CNTRL: variants seen among roughly 807,000 people sequenced by gnomAD.
The protein encoded by CNTRL is centriolin.
A neutral mutation model predicts 303.7 loss-of-function variants in CNTRL; 233 were observed. The ratio of observed to expected loss-of-function variants is 0.77; its 90% CI spans 0.69 to 0.86. CNTRL has a LOEUF of 0.86. Among genes scored for constraint, CNTRL ranks in the 40% least tolerant of loss-of-function variants. CNTRL has a pLI of 0.00. For synonymous variants in CNTRL, 900 were observed against 922.2 expected (o/e 0.98, Z 0.44); for missense variants, 2,524 against 2,650.6 (o/e 0.95, Z 1.05).
At chr9:121,163,610 C>T (rs1374119133) in intron 34 of CNTRL, among the ~76,000 whole-genome samples, 1 of 151,950 alleles carries the variant, frequency 6.6e-6, no homozygotes, top group African/African-American at 2.4e-5. Flanking sequence ...ACCCATGTAT[C>T]TGATAAAGGA....
Position 121,166,106 on chromosome 9 carries a change from G to GA in CNTRL, c.5586dup (p.Arg1863ThrfsTer13). On this transcript the variant is annotated frameshift_variant and splice_region_variant. Transcript: ENST00000373855. LOFTEE classifies it high-confidence loss of function. ...ATTTCATGAGAATGTCATTTCTTTA[G>GA]AAAAACGAGAAGCAGTAAACTCACT... 2 of 1,608,510 alleles carry GA rather than the reference G, an allele frequency of 1.2e-6. No individual in the cohort carries two copies. The highest frequency in any genetic ancestry group is 1.1e-5 in the South Asian group (1 of 90,234).
chr9:121,112,226 A>G (rs983187844), intron 8 of CNTRL, among the ~76,000 whole-genome samples: 2 of 152,190 alleles, frequency 1.3e-5, no homozygotes, highest in African/African-American at 4.8e-5. Flanking sequence ...TTATATCGTG[A>G]AGCAGCAGAT....
chr9:121,162,349 A>G, intron 34 of CNTRL, 78 bp downstream of exon 34: 1 of 1,231,940 alleles, frequency 8.1e-7, no homozygotes, highest in Non-Finnish European at 1.2e-6. Flanking sequence ...AAAAATTTGG[A>G]AAATAGAGAA....
At chr9:121,103,369 T>C (rs1457242599) in intron 7 of CNTRL, among the ~76,000 whole-genome samples, 1 of 152,144 alleles carries the variant, frequency 6.6e-6, no homozygotes, top group Non-Finnish European at 1.5e-5. Flanking sequence ...AAACTGGATC[T>C]CTTCCTTACA....
In CNTRL at chr9:121,142,250, C is replaced by T; in HGVS notation, c.2851C>T (p.Leu951Phe). The T allele has an allele frequency of 6.2e-7, 1 of 1,602,348 alleles. No homozygotes were observed. Reference sequence around the variant, plus strand: ...AGAGAAGGAGAGAATTCTGGCCCAACTCCGAGAGTTAGAGAAAAAGGTAGG... The same window carrying T: ...AGAGAAGGAGAGAATTCTGGCCCAATTCCGAGAGTTAGAGAAAAAGGTAGG... ...DEEKERILAQ[L>F]RELEKKKKLE... Residue 951 changes from leucine to phenylalanine, a missense_variant, in exon 19 of 44, where the codon CTC (leucine) becomes TTC (phenylalanine). By Grantham distance (22) the Leu-to-Phe change is conservative. Coordinates refer to ENST00000373855, the MANE Select transcript of CNTRL (RefSeq NM_007018.6).
rs2048518636 is a variant in CNTRL, at chr9:121,090,476, A to T, written c.348+71A>T. The T allele has an allele frequency of 5.7e-6, 8 of 1,394,736 alleles. No individual in the cohort carries two copies. The South Asian group carries it at 8.3e-5, about 15-fold the overall frequency. 86.4% of individuals were successfully genotyped at this position (1,394,736 alleles called of 1,614,324 possible). A position where few individuals can be genotyped will look rare whatever the true frequency, so the allele number is the denominator to read the frequency against. On this transcript the variant is annotated intron_variant, in intron 4 of 43. Coordinates refer to ENST00000373855, the MANE Select transcript of CNTRL (RefSeq NM_007018.6). ...TCTGTGCTTTAATACTGCGAAAAAA[A>T]ATTATCCTAATGTCACCTAATTTGT...
chr9:121,177,052 A>G, intron 43 of CNTRL, 111 bp from the exon 44 acceptor site: 1 of 807,616 alleles, frequency 1.2e-6, no homozygotes, highest in East Asian at 2.8e-5. Context: ...CATTTTTCCA[A>G]AGAGGTACTC....
chr9:121,122,267 A>T, intron 12 of CNTRL: 1 of 356,362 alleles, frequency 2.8e-6, no homozygotes, highest in Non-Finnish European at 3.9e-6. Context: ...ATATGTAGTT[A>T]ACTTTTCAGA....
intron 14 of CNTRL, among the ~76,000 whole-genome samples, chr9:121,135,208 T>C: frequency 6.6e-6 from 1 of 152,232 alleles, no homozygotes; most frequent in East Asian, 1.9e-4. Flanking sequence ...GGTACTCTTA[T>C]CATCCTTAAT....
chr9:121,100,650 G>T (rs113834716), intron 7 of CNTRL, among the ~76,000 whole-genome samples: 39 of 152,272 alleles, frequency 2.6e-4, no homozygotes, highest in Admixed American at 2.5e-3. Context: ...TCTGTGTGCT[G>T]TATTCAGGAG....
intron 8 of CNTRL, chr9:121,110,994 A>C (rs914181741): frequency 6.6e-6 from 1 of 152,128 alleles, no homozygotes; most frequent in Non-Finnish European, 1.5e-5. Context: ...AGACCAGTTC[A>C]TGTATTCTCT....
intron 2 of CNTRL, among the ~76,000 whole-genome samples, chr9:121,082,925 G>A (rs912910347): frequency 6.8e-6 from 1 of 148,062 alleles, no homozygotes; most frequent in African/African-American, 2.5e-5. Flanking sequence ...AGCCGAGATC[G>A]TGCCACTGCA....
chr9:121,167,972 A>G, intron 37 of CNTRL, 124 bp from the exon 38 acceptor site: 1 of 840,454 alleles, frequency 1.2e-6, no homozygotes, highest in Non-Finnish European at 1.8e-6. Context: ...TCACCTCTGT[A>G]ATGGAATTGT....
Position 121,177,247 on chromosome 9 carries a change from T to C in CNTRL, c.*61T>C. The C allele has an allele frequency of 1.5e-6, 2 of 1,361,796 alleles. No individual in the cohort carries two copies. The highest frequency in any genetic ancestry group is 1.0e-6 in the Non-Finnish European group (1 of 960,526). 84.4% of individuals were successfully genotyped at this position (1,361,796 alleles called of 1,614,324 possible). ...CACCTCCACTACCTCACTGACTTCA[T>C]AATTGGAATGTCACATGGTTTTTTT... On this transcript the variant is annotated 3_prime_UTR_variant, in exon 44 of 44. Transcript: ENST00000373855.
rs916094269 is a variant in CNTRL at position 121,158,991 on chromosome 9, A to C, written c.4901A>C (p.Glu1634Ala). The change falls in exon 31 of 44, where the codon GAA (glutamate) becomes GCA (alanine). Residue 1634 changes from glutamate (E) to alanine (A), a missense_variant. Transcript: ENST00000373855. Reference sequence around the variant, plus strand: ...GAAGCTCTGAGACTGGGAGAGACTGAAGTAACTGAGAAGTGCAATCACATT... The same window carrying C: ...GAAGCTCTGAGACTGGGAGAGACTGCAGTAACTGAGAAGTGCAATCACATT... ...LQEALRLGET[E>A]VTEKCNHIRE... 1.9e-6 allele frequency: 3 copies of C among 1,614,030 alleles called. No homozygotes were observed. The highest frequency in any genetic ancestry group is 2.5e-6 in the Non-Finnish European group (3 of 1,180,016).
At chr9:121,105,688 A>G (rs1356453157) in intron 7 of CNTRL, among the ~76,000 whole-genome samples, 1 of 152,206 alleles carries the variant, frequency 6.6e-6, no homozygotes, top group Non-Finnish European at 1.5e-5. Context: ...GAAGTTTTCA[A>G]GAGAGGAAGT....
chr9:121,135,342 C>A (rs1394546206), intron 14 of CNTRL, among the ~76,000 whole-genome samples: 1 of 152,204 alleles, frequency 6.6e-6, no homozygotes, highest in Non-Finnish European at 1.5e-5. Context: ...TTTCTAGCTA[C>A]ATAGCCCTGT....
intron 14 of CNTRL, 30 bp downstream of exon 14, chr9:121,125,966 A>T (rs1047345993): frequency 1.3e-6 from 2 of 1,556,244 alleles, no homozygotes; most frequent in Admixed American, 3.4e-5. Context: ...TATTTTCCGT[A>T]GCTTCATAAG....
In CNTRL at chr9:121,124,046, C is replaced by T. The variant is rs75008792; in HGVS notation, c.1766C>T (p.Thr589Met). The T allele has an allele frequency of 2.5e-4, 409 of 1,611,478 alleles. 5 individuals carry two copies. The East Asian group carries it at 6.2e-3, about 24-fold the overall frequency. ...ATACTTTCTAGAATTGCTAAGGAAA[C>T]GGAAGAGATTAAGGACCTTGAAGAA... is the stretch of plus-strand genomic sequence containing the variant. Reference protein sequence around the residue: ...DEILSRIAKETEEIKDLEEQL... With the variant: ...DEILSRIAKEMEEIKDLEEQL... Residue 589 changes from threonine (T) to methionine (M), a missense_variant, in exon 13 of 44, where the codon ACG becomes ATG. Transcript: ENST00000373855.
Sources: gnomAD v4.1 joint callset for allele counts (sites outside exome capture counted in the v4.1 genomes callset) on GRCh38, gnomAD v4.1.1 for gene constraint, MANE v1.5 for transcripts, NCBI Gene and HGNC (gene_info 2026-07-23, HGNC 2026-07-21) for gene names.